The following RBFOX1 variants were observed in gnomAD, a reference collection of about 807,000 sequenced individuals.
RBFOX1 encodes RNA binding protein fox-1 homolog 1.
RBFOX1 carries 8 observed loss-of-function variants against 57.7 expected under a neutral mutation model. The observed-to-expected ratio is 0.14, with a 90% confidence interval of 0.08 to 0.25. RBFOX1 has a LOEUF of 0.25. Ranked by LOEUF, RBFOX1 falls within the 10% of genes least tolerant of loss-of-function variation. RBFOX1 has a pLI of 1.00. For missense variants in RBFOX1, 611 were observed against 548.5 expected, an observed-to-expected ratio of 1.11 and a Z score of -1.14; for synonymous variants, 326 against 222.4, an observed-to-expected ratio of 1.47 and a Z score of -4.15.
At chr16:6,368,744 G>C (rs1324831273) in intron 2 of RBFOX1, among the ~76,000 whole-genome samples, 1 of 152,176 alleles carries the variant, frequency 6.6e-6, no homozygotes, top group Non-Finnish European at 1.5e-5. Flanking sequence ...GTTTACACAT[G>C]ACAGGCACAT....
chr16:6,566,651 G>A (rs190788499), intron 2 of RBFOX1, among the ~76,000 whole-genome samples: 7 of 151,994 alleles, frequency 4.6e-5, no homozygotes, highest in Admixed American at 2.6e-4. Context: ...ACCCCTTTAC[G>A]CACACTCCTC....
At chr16:5,868,605 G>T (rs534075903) in intron 4 of RBFOX1, among the ~76,000 whole-genome samples, 1 of 152,306 alleles carries the variant, frequency 6.6e-6, no homozygotes, top group East Asian at 1.9e-4. Flanking sequence ...CAGTAACTTG[G>T]TGTGCAAAGG....
intron 4 of RBFOX1, among the ~76,000 whole-genome samples, chr16:7,427,821 TTTTC>T (rs2098636541): frequency 6.6e-6 from 1 of 151,886 alleles, no homozygotes; most frequent in Non-Finnish European, 1.5e-5. Context: ...GCCCAGTTAG[TTTTC>T]ATATTTTTAG....
At chr16:5,421,941 C>T (rs957759426) in intron 1 of RBFOX1, among the ~76,000 whole-genome samples, 3 of 151,992 alleles carry the variant, frequency 2.0e-5, no homozygotes, top group African/African-American at 4.8e-5. Context: ...GTCAAGAATA[C>T]GAAAAGAGCC....
At chr16:7,472,751 A>C (rs2061801441) in intron 4 of RBFOX1, among the ~76,000 whole-genome samples, 2 of 152,194 alleles carry the variant, frequency 1.3e-5, no homozygotes, top group Admixed American at 1.3e-4. Context: ...GACTGTGGCA[A>C]AATTGTTTCA....
chr16:6,382,525 CTG>C (rs953399571), intron 2 of RBFOX1, among the ~76,000 whole-genome samples: 5 of 152,260 alleles, frequency 3.3e-5, no homozygotes, highest in Middle Eastern at 3.4e-3. Flanking sequence ...GCTGTCCTAT[CTG>C]TGTGATGAGG....
chr16:6,592,575 G>GT (rs2097726649), intron 2 of RBFOX1, among the ~76,000 whole-genome samples: 1 of 152,170 alleles, frequency 6.6e-6, no homozygotes, highest in South Asian at 2.1e-4. Flanking sequence ...CCATATGCTG[G>GT]CTCCACCATG....
intron 4 of RBFOX1, among the ~76,000 whole-genome samples, chr16:7,140,266 C>CTTTTTTTTT (rs35683605): frequency 2.0e-5 from 1 of 48,800 alleles, no homozygotes; most frequent in Non-Finnish European, 3.7e-5. Context: ...TTTTAAATGG[C>CTTTTTTTTT]TTTTTTTTTT....
At chr16:6,122,391 C>G (rs1046168601) in intron 1 of RBFOX1, among the ~76,000 whole-genome samples, 4 of 147,974 alleles carry the variant, frequency 2.7e-5, no homozygotes, top group Non-Finnish European at 5.9e-5. Flanking sequence ...CACACACACA[C>G]ACACATTTTT....
intron 4 of RBFOX1, among the ~76,000 whole-genome samples, chr16:7,475,720 G>A (rs1415598378): frequency 1.3e-5 from 2 of 152,188 alleles, no homozygotes; most frequent in Non-Finnish European, 2.9e-5. Context: ...CCTCGGACAA[G>A]TTATTGAACC....
At chr16:7,494,530 A>G (rs2067961379) in intron 4 of RBFOX1, among the ~76,000 whole-genome samples, 1 of 152,218 alleles carries the variant, frequency 6.6e-6, no homozygotes, top group African/African-American at 2.4e-5. Flanking sequence ...AAATAACAAT[A>G]ACAGCAATAA....
At chr16:5,849,018 G>A (rs1597479275) in intron 3 of RBFOX1, among the ~76,000 whole-genome samples, 1 of 151,988 alleles carries the variant, frequency 6.6e-6, no homozygotes, top group East Asian at 1.9e-4. Flanking sequence ...GGCAGGACAG[G>A]AGCTCCAGAT....
chr16:5,876,010 A>G (rs2057600493), intron 4 of RBFOX1, among the ~76,000 whole-genome samples: 1 of 151,820 alleles, frequency 6.6e-6, no homozygotes, highest in Non-Finnish European at 1.5e-5. Flanking sequence ...CACCCAGCTA[A>G]TTTTTTGTAT....
At chr16:6,403,954 C>T (rs936228011) in intron 2 of RBFOX1, among the ~76,000 whole-genome samples, 1 of 151,994 alleles carries the variant, frequency 6.6e-6, no homozygotes, top group Non-Finnish European at 1.5e-5. Flanking sequence ...GTCTGTAAGC[C>T]AGGAAAAGAG....
chr16:7,347,990 G>T (rs534847045), intron 4 of RBFOX1, among the ~76,000 whole-genome samples: 1 of 152,176 alleles, frequency 6.6e-6, no homozygotes, highest in Non-Finnish European at 1.5e-5. Context: ...GGCCCACCTT[G>T]GTGCCAGTCT....
At chr16:5,356,208 G>C (rs2065384129) in intron 1 of RBFOX1, among the ~76,000 whole-genome samples, 1 of 152,162 alleles carries the variant, frequency 6.6e-6, no homozygotes. Context: ...AGGATTTTTG[G>C]CAGCCACCAG....
intron 1 of RBFOX1, among the ~76,000 whole-genome samples, chr16:5,466,523 C>T (rs1435228327): frequency 6.6e-6 from 1 of 152,168 alleles, no homozygotes; most frequent in Non-Finnish European, 1.5e-5. Flanking sequence ...CTCAAGGCAG[C>T]TAGGGTTTCT....
Position 6,019,881 on chromosome 16 carries a change from T to A in RBFOX1, c.-238T>A. On this transcript the variant is annotated 5_prime_UTR_variant, in exon 1 of 16. Transcript: ENST00000550418. This position sits in a 1 kb window ranked among gnomAD's most constrained non-coding sequence, Gnocchi z 4.2. ...CAGTGCGTGAGAAACCAGCACCCCC[T>A]TCCGCCGCCTCCAGCTTATGGTGAG... 2 of 1,534,820 alleles carry A rather than the reference T, an allele frequency of 1.3e-6. No individual in the cohort carries two copies. Among genetic ancestry groups the A allele is most frequent in the Non-Finnish European group, 1.7e-6 (2 of 1,146,438 alleles).
chr16:7,203,175 G>T (rs1026362217), intron 4 of RBFOX1, among the ~76,000 whole-genome samples: 1 of 152,170 alleles, frequency 6.6e-6, no homozygotes, highest in Non-Finnish European at 1.5e-5. Context: ...AGCAAAATGT[G>T]ATACTCACAC....
Sources: allele counts gnomAD v4.1 joint callset (sites outside exome capture counted in the v4.1 genomes callset), GRCh38; gene constraint gnomAD v4.1.1; non-coding constraint Gnocchi (gnomAD v3.1); transcripts MANE v1.5; gene names NCBI Gene and HGNC (gene_info 2026-07-23, HGNC 2026-07-21).